IQANK1: variants seen among roughly 807,000 people sequenced by gnomAD.
IQANK1 encodes the protein IQ motif and ankyrin repeat containing 1, also known as IQ motif and ankyrin repeat domain-containing protein 1.
In IQANK1, 30 loss-of-function variants were observed where a neutral mutation model predicts 22.6. The observed-to-expected ratio is 1.33, with a 90% CI of 0.99 to 1.80. IQANK1 has a LOEUF of 1.80. Ranked by LOEUF, IQANK1 falls within the 40% of genes most tolerant of loss-of-function variation. The pLI is 0.00. For synonymous variants in IQANK1, 122 were observed against 99.6 expected, an observed-to-expected ratio of 1.23 and a Z score of -1.34; for missense variants, 275 against 235.2, an observed-to-expected ratio of 1.17 and a Z score of -1.11.
intron 3 of IQANK1, among the ~76,000 whole-genome samples, chr8:143,770,869 G>C (rs1370976932): frequency 6.6e-6 from 1 of 152,230 alleles, no homozygotes; most frequent in Non-Finnish European, 1.5e-5. Flanking sequence ...AGTGGTGCCC[G>C]GACTTCCCCA....
chr8:143,751,112 C>T lies in IQANK1; in HGVS notation c.175+11164C>T, dbSNP rs375260991. 1.1e-3 allele frequency among the ~76,000 whole-genome samples: 170 copies of T among 152,184 alleles called. 2 individuals carry two copies. The highest frequency in any genetic ancestry group is 1.3e-3 in the African/African-American group (53 of 41,538). ...TGAATTTATACCAGCTTAACTTCAACGACATAAAAAACTCTGTTCCTTTAC... is the reference window on the plus strand; with the variant it reads ...TGAATTTATACCAGCTTAACTTCAATGACATAAAAAACTCTGTTCCTTTAC... On this transcript the variant is annotated intron_variant, in intron 3 of 13. Coordinates refer to ENST00000527139, the MANE Select transcript of IQANK1 (RefSeq NM_001381874.1).
At chr8:143,783,553 A>G (rs1298456158) in intron 7 of IQANK1, among the ~76,000 whole-genome samples, 1 of 152,174 alleles carries the variant, frequency 6.6e-6, no homozygotes, top group African/African-American at 2.4e-5. Flanking sequence ...ACTTAATGTT[A>G]TAATTTGATG....
At chr8:143,751,664 G>GTGTGTATATATATATATA (rs370428606) in intron 3 of IQANK1, among the ~76,000 whole-genome samples, 23 of 61,544 alleles carry the variant, frequency 3.7e-4, no homozygotes, top group African/African-American at 7.4e-4. Flanking sequence ...GTGTGTGTGT[G>GTGTGTATATATATATATA]TATATATATA....
At chr8:143,770,908 G>GC (rs1819558705) in intron 3 of IQANK1, among the ~76,000 whole-genome samples, 1 of 152,226 alleles carries the variant, frequency 6.6e-6, no homozygotes, top group African/African-American at 2.4e-5. Flanking sequence ...TGAGCCCGAC[G>GC]CCCTCTCCTC....
chr8:143,751,652 G>GTATATATATATATATATATATA (rs1282292064), intron 3 of IQANK1, among the ~76,000 whole-genome samples: 1 of 33,320 alleles, frequency 3.0e-5, no homozygotes, highest in Admixed American at 4.6e-4. Flanking sequence ...GTGTGTGTGT[G>GTATATATATATATATATATATA]TGTGTGTGTG....
intron 7 of IQANK1, among the ~76,000 whole-genome samples, chr8:143,786,336 G>A (rs782257603): frequency 2.6e-5 from 4 of 152,286 alleles, no homozygotes; most frequent in Non-Finnish European, 4.4e-5. Context: ...AACCTCACTC[G>A]GAGGCTACTG....
intron 3 of IQANK1, among the ~76,000 whole-genome samples, chr8:143,763,137 C>T (rs1272578721): frequency 6.6e-6 from 1 of 151,872 alleles, no homozygotes; most frequent in African/African-American, 2.4e-5. Flanking sequence ...TGCCTCAGCC[C>T]CCTGAGTAGC....
At chr8:143,738,391 C>G (rs1192209718) in intron 2 of IQANK1, among the ~76,000 whole-genome samples, 1 of 152,188 alleles carries the variant, frequency 6.6e-6, no homozygotes, top group African/African-American at 2.4e-5. Context: ...AGGTCCTGCC[C>G]CTTGCTGGAG....
intron 3 of IQANK1, among the ~76,000 whole-genome samples, chr8:143,751,232 T>G (rs550877057): frequency 4.8e-4 from 73 of 152,274 alleles, no homozygotes; most frequent in African/African-American, 1.4e-3. Context: ...ATAAATGCAC[T>G]GGTCTCTTAA....
chr8:143,789,526 C>A lies in IQANK1; in HGVS notation c.1084C>A (p.Gln362Lys), dbSNP rs1240017474. ...CATGGACAAGACCAAGCTCACGCTG[C>A]AGGTGGGGGCCCGTGGTGGACTTGA... ...RCMDKTKLTL[Q>K]AIKDTEAQVD... Residue 362 changes from glutamine to lysine, a missense_variant and splice_region_variant, in exon 10 of 14, where the codon CAG becomes AAG. Transcript: ENST00000527139. 1.6e-6 allele frequency: 2 copies of A among 1,232,278 alleles called. No individual in the cohort carries two copies. Among genetic ancestry groups the A allele is most frequent in the East Asian group, 3.2e-5 (1 of 31,718 alleles). 76.3% of individuals were successfully genotyped at this position (1,232,278 alleles called of 1,614,324 possible).
chr8:143,739,024 C>T (rs931945729), intron 2 of IQANK1, among the ~76,000 whole-genome samples: 22 of 152,172 alleles, frequency 1.4e-4, no homozygotes, highest in African/African-American at 3.1e-4. Flanking sequence ...CCCTGCGTGG[C>T]ACTTTGTGAA....
chr8:143,736,141 ATTT>A (rs555506417), intron 2 of IQANK1, among the ~76,000 whole-genome samples: 7 of 137,020 alleles, frequency 5.1e-5, no homozygotes, highest in Non-Finnish European at 6.3e-5. Context: ...GCCTGAATCT[ATTT>A]TTTTTTTTTT....
At chr8:143,762,967 C>G (rs1220003081) in intron 3 of IQANK1, among the ~76,000 whole-genome samples, 2 of 148,960 alleles carry the variant, frequency 1.3e-5, no homozygotes, top group South Asian at 2.1e-4. Context: ...CTTTTCTTTT[C>G]TTTCCTTTCC....
intron 3 of IQANK1, among the ~76,000 whole-genome samples, chr8:143,757,604 T>A (rs1462003395): frequency 2.6e-5 from 4 of 152,210 alleles, no homozygotes; most frequent in African/African-American, 7.2e-5. Flanking sequence ...CCCAAAGTGC[T>A]GGGATTACAG....
chr8:143,742,648 C>T (rs1554626726), intron 3 of IQANK1: 1 of 456,026 alleles, frequency 2.2e-6, no homozygotes, highest in Non-Finnish European at 4.4e-6. Context: ...GAATAGCCTC[C>T]ACCAGGAAGG....
chr8:143,751,660 G>A (rs377006456), intron 3 of IQANK1, among the ~76,000 whole-genome samples: 14,494 of 43,500 alleles, frequency 0.33, 2,805 homozygotes, highest in African/African-American at 0.55. Flanking sequence ...GTGTGTGTGT[G>A]TGTGTATATA....
Position 143,758,448 on chromosome 8 carries a change from A to C in IQANK1, c.176-13040A>C, listed in dbSNP as rs1293079733. On this transcript the variant is annotated intron_variant, in intron 3 of 13. Transcript: ENST00000527139. This position sits in a 1 kb window ranked among gnomAD's most constrained non-coding sequence, Gnocchi z 4.2. The stretch of plus-strand genomic sequence containing the variant: ...ATTGCACTCCAGCCTGGGCAACAAG[A>C]GCGAAACTCCATCTCAAAAAGAAAA... 6.6e-6 allele frequency: 1 copy of C among 152,330 alleles called. No individual in the cohort carries two copies. Among genetic ancestry groups the C allele is most frequent in the Non-Finnish European group, 1.5e-5 (1 of 68,182 alleles). The allele number at this position is 152,330 out of a possible 1,614,324, so 9.4% of individuals were successfully genotyped here.
chr8:143,743,592 C>T (rs1293405811), intron 3 of IQANK1, among the ~76,000 whole-genome samples: 1 of 152,158 alleles, frequency 6.6e-6, no homozygotes, highest in Non-Finnish European at 1.5e-5. Flanking sequence ...AGTGGAATTA[C>T]GATTGCACTT....
At position 143,771,950 on chromosome 8, in the gene IQANK1, G is replaced by C; in HGVS notation, c.456G>C (p.Arg152=). ...AAFDGDVGEI[R]AVLKEVEQLL... ...TCGACGGGGACGTGGGCGAGATCCGGGCGGTGCTGAAGGAGGTCAGCGGGG... is the reference window on the plus strand; with the variant it reads ...TCGACGGGGACGTGGGCGAGATCCGCGCGGTGCTGAAGGAGGTCAGCGGGG... Residue 152 remains arginine (R), a synonymous_variant, in exon 5 of 14, where the codon CGG becomes CGC. Coordinates refer to ENST00000527139, the MANE Select transcript of IQANK1 (RefSeq NM_001381874.1). This position sits in a 1 kb window ranked among gnomAD's most constrained non-coding sequence, Gnocchi z 6.0. 1 of 290,452 alleles carries C rather than the reference G, an allele frequency of 3.4e-6. No individual in the cohort carries two copies. The allele number at this position is 290,452 out of a possible 1,614,324, so 18.0% of individuals were successfully genotyped here. A position where few individuals can be genotyped will look rare whatever the true frequency, so the allele number is the denominator to read the frequency against.
Sources: gnomAD v4.1 joint callset for allele counts (sites outside exome capture counted in the v4.1 genomes callset) on GRCh38, gnomAD v4.1.1 for gene constraint, Gnocchi (gnomAD v3.1) non-coding constraint, MANE v1.5 for transcripts, NCBI Gene and HGNC (gene_info 2026-07-23, HGNC 2026-07-21) for gene names.